The following RFTN1 variants were observed in gnomAD, a reference collection of about 807,000 sequenced individuals.
RFTN1 encodes raftlin.
RFTN1 carries 26 observed loss-of-function variants against 46.5 expected under a neutral mutation model. The ratio of observed to expected loss-of-function variants is 0.56; its 90% CI spans 0.41 to 0.78. RFTN1 has a LOEUF of 0.78. Ranked by LOEUF, RFTN1 falls within the 30% of genes least tolerant of loss-of-function variation. RFTN1 has a pLI of 0.00. For synonymous variants in RFTN1, 261 were observed against 284.2 expected, an observed-to-expected ratio of 0.92 and a Z score of 0.82; for missense variants, 693 against 718.7, an observed-to-expected ratio of 0.96 and a Z score of 0.41.
rs1444978182 is a variant in RFTN1, at chr3:16,321,572, G to A, written c.1332+1804C>T. Among the ~76,000 whole-genome samples, 1 of 152,172 alleles carries A rather than the reference G, an allele frequency of 6.6e-6. No individual in the cohort carries two copies. Among genetic ancestry groups the A allele is most frequent in the Non-Finnish European group, 1.5e-5 (1 of 68,028 alleles). ...ACCCAGTGCAGAAGATTCTTCCAAG[G>A]AGTCTGGCTGTGAAGCCCCCCTCTC... On this transcript the variant is annotated intron_variant, in intron 9 of 9. Coordinates refer to ENST00000334133, the MANE Select transcript of RFTN1 (RefSeq NM_015150.2). The surrounding 1 kb of genome is among the most constrained non-coding windows in gnomAD (Gnocchi z 4.8).
intron 4 of RFTN1, among the ~76,000 whole-genome samples, chr3:16,389,716 T>C (rs1035807373): frequency 6.6e-6 from 1 of 152,198 alleles, no homozygotes; most frequent in Non-Finnish European, 1.5e-5. Flanking sequence ...GCAGACTGTA[T>C]TTTCCAAAGA....
rs1380679787 is a variant in RFTN1, at chr3:16,376,623, A to G, written c.826+1095T>C. Among the ~76,000 whole-genome samples the G allele has an allele frequency of 1.3e-5, 2 of 152,210 alleles. No individual in the cohort carries two copies. Among genetic ancestry groups the G allele is most frequent in the Non-Finnish European group, 2.9e-5 (2 of 68,024 alleles). ...AGGCATGTGCCTCAAACAGCGAAAA[A>G]TCACACAGATGAAGGGCTCTACTTC... On this transcript the variant is annotated intron_variant, in intron 5 of 9. Transcript: ENST00000334133. The surrounding 1 kb of genome is among the most constrained non-coding windows in gnomAD (Gnocchi z 4.7).
rs780852793 is a variant in RFTN1, at chr3:16,475,041, C to T, written c.145+18684G>A. On this transcript the variant is annotated intron_variant, in intron 2 of 9. Coordinates refer to ENST00000334133, the MANE Select transcript of RFTN1 (RefSeq NM_015150.2). The surrounding 1 kb of genome is among the most constrained non-coding windows in gnomAD (Gnocchi z 4.2). ...GATCCCTCACGAAAGGCTTGCTGTCCTCCTTCGAGGTAATGAGTGAGTTCA... is the reference window on the plus strand; with the variant it reads ...GATCCCTCACGAAAGGCTTGCTGTCTTCCTTCGAGGTAATGAGTGAGTTCA... 2.2e-4 allele frequency among the ~76,000 whole-genome samples: 33 copies of T among 152,174 alleles called. No individual in the cohort carries two copies. Among genetic ancestry groups the T allele is most frequent in the Non-Finnish European group, 4.6e-4 (31 of 68,028 alleles).
chr3:16,397,751 A>G (rs1192864582), intron 4 of RFTN1, among the ~76,000 whole-genome samples: 2 of 151,430 alleles, frequency 1.3e-5, no homozygotes, highest in Non-Finnish European at 2.9e-5. Flanking sequence ...GTGCTATGGT[A>G]TAGATAGGTA....
At chr3:16,469,630 G>A (rs1373653893) in intron 2 of RFTN1, among the ~76,000 whole-genome samples, 1 of 152,246 alleles carries the variant, frequency 6.6e-6, no homozygotes, top group African/African-American at 2.4e-5. Context: ...ACAGAGGGAA[G>A]GGGGGAAGAG....
rs2076861050 is a variant in RFTN1 at position 16,509,308 on chromosome 3, G to A, written c.-9+4134C>T. Among the ~76,000 whole-genome samples, 1 of 152,066 alleles carries A rather than the reference G, an allele frequency of 6.6e-6. No individual in the cohort carries two copies. Among genetic ancestry groups the A allele is most frequent in the African/African-American group, 2.4e-5 (1 of 41,422 alleles). ...ATTATAATATGGCTTTGTGTATTTG[G>A]AAATCCGTGATTGTAGACAGATTTT... On this transcript the variant is annotated intron_variant, in intron 1 of 9. Coordinates refer to ENST00000334133, the MANE Select transcript of RFTN1 (RefSeq NM_015150.2). This position sits in a 1 kb window ranked among gnomAD's most constrained non-coding sequence, Gnocchi z 4.9.
At chr3:16,358,072 G>A (rs533876472) in intron 6 of RFTN1, 25 bp from the exon 7 acceptor site, 2 of 1,263,830 alleles carry the variant, frequency 1.6e-6, no homozygotes, top group Admixed American at 1.8e-5. Flanking sequence ...AAAGGCGGGG[G>A]TGGGGGGGGT....
rs939744271 is a variant in RFTN1, at chr3:16,426,270, T to C, written c.332+7581A>G. ...CCAGTAGGCGCTACCACCCCCTGTG[T>C]ATTTCGCTTAATTATGAAACCTCTT... On this transcript the variant is annotated intron_variant, in intron 3 of 9. Coordinates refer to ENST00000334133, the MANE Select transcript of RFTN1 (RefSeq NM_015150.2). The surrounding 1 kb of genome is among the most constrained non-coding windows in gnomAD (Gnocchi z 5.9). Among the ~76,000 whole-genome samples the C allele has an allele frequency of 1.3e-5, 2 of 152,168 alleles. No homozygotes were observed. Among genetic ancestry groups the C allele is most frequent in the Non-Finnish European group, 2.9e-5 (2 of 68,038 alleles).
chr3:16,502,589 G>A (rs765194965), intron 1 of RFTN1, among the ~76,000 whole-genome samples: 1 of 152,156 alleles, frequency 6.6e-6, no homozygotes, highest in Non-Finnish European at 1.5e-5. Flanking sequence ...AAACATTGTG[G>A]GTTCTACCTC....
rs560452611 is a variant in RFTN1, at chr3:16,344,335, T to C, written c.1146+13597A>G. On this transcript the variant is annotated intron_variant, in intron 7 of 9. Coordinates refer to ENST00000334133, the MANE Select transcript of RFTN1 (RefSeq NM_015150.2). This position sits in a 1 kb window ranked among gnomAD's most constrained non-coding sequence, Gnocchi z 4.4. ...TTAGATCAGTAATTTTCAAGGTTTTTTTTTTTTAATTAGTAGGATGCTTCC... is the reference window on the plus strand; with the variant it reads ...TTAGATCAGTAATTTTCAAGGTTTTCTTTTTTTAATTAGTAGGATGCTTCC... 6.6e-6 allele frequency among the ~76,000 whole-genome samples: 1 copy of C among 152,138 alleles called. No individual in the cohort carries two copies. The highest frequency in any genetic ancestry group is 1.9e-4 in the East Asian group (1 of 5,184).
chr3:16,361,249 G>A lies in RFTN1; in HGVS notation c.1031-3202C>T, dbSNP rs761164348. On this transcript the variant is annotated intron_variant, in intron 6 of 9. Coordinates refer to ENST00000334133, the MANE Select transcript of RFTN1 (RefSeq NM_015150.2). The surrounding 1 kb of genome is among the most constrained non-coding windows in gnomAD (Gnocchi z 4.3). ...TCAGAAGGGTGAGTGACATGTTACT[G>A]GAGTTCAAGTGCACTGAATAACCTT... Among the ~76,000 whole-genome samples, 16 of 152,144 alleles carry A rather than the reference G, an allele frequency of 1.1e-4. No homozygotes were observed. The highest frequency in any genetic ancestry group is 1.8e-4 in the Non-Finnish European group (12 of 68,034).
intron 6 of RFTN1, among the ~76,000 whole-genome samples, chr3:16,365,390 C>A (rs1270435682): frequency 6.6e-6 from 1 of 152,136 alleles, no homozygotes; most frequent in Non-Finnish European, 1.5e-5. Context: ...AAAAGTAGGA[C>A]CTGCCTGGGG....
rs1399974277 is a variant in RFTN1, at chr3:16,449,588, C to T, written c.146-15551G>A. ...ATTATGCATAACCCTAATCACTTCA[C>T]ACATTGTTACTAACGTGACAGACTG... is the stretch of plus-strand genomic sequence containing the variant. On this transcript the variant is annotated intron_variant, in intron 2 of 9. Transcript: ENST00000334133. The surrounding 1 kb of genome is among the most constrained non-coding windows in gnomAD (Gnocchi z 5.1). Among the ~76,000 whole-genome samples the T allele has an allele frequency of 1.3e-5, 2 of 152,230 alleles. No individual in the cohort carries two copies. Among genetic ancestry groups the T allele is most frequent in the Admixed American group, 6.5e-5 (1 of 15,286 alleles).
chr3:16,377,313 T>C (rs755954699), intron 5 of RFTN1, among the ~76,000 whole-genome samples: 1 of 152,202 alleles, frequency 6.6e-6, no homozygotes, highest in African/African-American at 2.4e-5. Context: ...TTTGCTCAGC[T>C]GTAAAATGTC....
intron 2 of RFTN1, among the ~76,000 whole-genome samples, chr3:16,456,935 G>A (rs1175241879): frequency 6.6e-6 from 1 of 152,164 alleles, no homozygotes; most frequent in African/African-American, 2.4e-5. Context: ...GTTATAGAGA[G>A]GTCAACTCTT....
intron 8 of RFTN1, 30 bp from the exon 9 acceptor site, chr3:16,323,487 C>T (rs759528620): frequency 2.6e-6 from 4 of 1,561,892 alleles, no homozygotes; most frequent in South Asian, 1.1e-5. Flanking sequence ...GAATGAGCCA[C>T]TTTATGCCTT....
rs1003086302 is a variant in RFTN1, at chr3:16,500,666, A to G, written c.-8-6789T>C. Among the ~76,000 whole-genome samples the G allele has an allele frequency of 1.3e-5, 2 of 152,182 alleles. No individual in the cohort carries two copies. The highest frequency in any genetic ancestry group is 2.9e-5 in the Non-Finnish European group (2 of 68,030). ...CCCTTGAATGGTGATCTTCTGGAAA[A>G]AATTTTGGCTGAATCAAACCTTAAG... On this transcript the variant is annotated intron_variant, in intron 1 of 9. Coordinates refer to ENST00000334133, the MANE Select transcript of RFTN1 (RefSeq NM_015150.2). This position sits in a 1 kb window ranked among gnomAD's most constrained non-coding sequence, Gnocchi z 5.9.
chr3:16,503,275 G>A (rs1404498418), intron 1 of RFTN1, among the ~76,000 whole-genome samples: 2 of 152,058 alleles, frequency 1.3e-5, no homozygotes, highest in Admixed American at 6.6e-5. Context: ...AAAAATGCAG[G>A]ATCCCAGGCC....
At chr3:16,455,943 T>C (rs1334981802) in intron 2 of RFTN1, among the ~76,000 whole-genome samples, 2 of 152,068 alleles carry the variant, frequency 1.3e-5, no homozygotes, top group African/African-American at 4.8e-5. Flanking sequence ...AATCAATTAG[T>C]TTCACATCCC....
Sources: allele counts gnomAD v4.1 joint callset (sites outside exome capture counted in the v4.1 genomes callset), GRCh38; gene constraint gnomAD v4.1.1; non-coding constraint Gnocchi (gnomAD v3.1); transcripts MANE v1.5; gene names NCBI Gene and HGNC (gene_info 2026-07-23, HGNC 2026-07-21).